Variants in NEGR1 observed in about 807,000 individuals in gnomAD.
The protein encoded by NEGR1 is IgLON family member 4.
A neutral mutation model predicts 40.9 loss-of-function variants in NEGR1; 10 were observed. The observed-to-expected ratio is 0.24, with a 90% CI of 0.15 to 0.42. The LOEUF is 0.42. Ranked by LOEUF, NEGR1 falls within the 10% of genes least tolerant of loss-of-function variation. NEGR1 has a pLI of 1.00. For synonymous variants in NEGR1, 185 were observed against 166.8 expected (o/e 1.11, Z -0.84); for missense variants, 352 against 438.9 (o/e 0.80, Z 1.77).
intron 5 of NEGR1, among the ~76,000 whole-genome samples, chr1:71,599,641 CT>C (rs2101530196): frequency 6.6e-6 from 1 of 152,246 alleles, no homozygotes; most frequent in South Asian, 2.1e-4. Context: ...GGGTATCTAT[CT>C]TTAGTTGTGC....
At chr1:71,520,563 G>T (rs1170592683) in intron 6 of NEGR1, among the ~76,000 whole-genome samples, 1 of 152,054 alleles carries the variant, frequency 6.6e-6, no homozygotes, top group African/African-American at 2.4e-5. Flanking sequence ...TAATGAATTA[G>T]TTACAAATTA....
At chr1:71,502,153 T>C (rs772932597) in intron 6 of NEGR1, among the ~76,000 whole-genome samples, 1 of 152,106 alleles carries the variant, frequency 6.6e-6, no homozygotes, top group Non-Finnish European at 1.5e-5. Flanking sequence ...ACAAACTGCA[T>C]TGCTCATGCA....
intron 6 of NEGR1, among the ~76,000 whole-genome samples, chr1:71,591,847 G>A (rs577168192): frequency 1.3e-5 from 2 of 152,060 alleles, no homozygotes; most frequent in East Asian, 3.9e-4. Flanking sequence ...TAAGTTGTAG[G>A]AACATCATAT....
intron 6 of NEGR1, among the ~76,000 whole-genome samples, chr1:71,579,783 G>T (rs555786723): frequency 6.6e-6 from 1 of 152,150 alleles, no homozygotes; most frequent in African/African-American, 2.4e-5. Context: ...CCTAATATAT[G>T]AATGCTTTTT....
chr1:71,932,602 T>A (rs991868449), intron 2 of NEGR1, among the ~76,000 whole-genome samples: 2 of 151,874 alleles, frequency 1.3e-5, no homozygotes, highest in African/African-American at 2.4e-5. Flanking sequence ...CAAAATGATT[T>A]AAAAAAAATA....
chr1:71,959,514 A>T (rs937010466), intron 1 of NEGR1, among the ~76,000 whole-genome samples: 1 of 152,176 alleles, frequency 6.6e-6, no homozygotes, highest in East Asian at 1.9e-4. Context: ...CATGCATGAT[A>T]AATTGTACTA....
At chr1:72,086,705 T>C (rs953637960) in intron 1 of NEGR1, among the ~76,000 whole-genome samples, 2 of 152,230 alleles carry the variant, frequency 1.3e-5, no homozygotes, top group African/African-American at 4.8e-5. Flanking sequence ...TGATATTTCT[T>C]GCATCTTGAA....
At chr1:71,898,767 A>G (rs1402440582) in intron 2 of NEGR1, among the ~76,000 whole-genome samples, 3 of 150,492 alleles carry the variant, frequency 2.0e-5, no homozygotes, top group African/African-American at 4.9e-5. Context: ...ATCTTGCAAT[A>G]ATTGAGATCC....
chr1:71,505,439 G>A (rs970989658), intron 6 of NEGR1, among the ~76,000 whole-genome samples: 3 of 152,014 alleles, frequency 2.0e-5, no homozygotes, highest in African/African-American at 4.8e-5. Flanking sequence ...CCGCCACTGC[G>A]CCAGACTAAT....
chr1:71,511,162 A>G (rs547523186), intron 6 of NEGR1, among the ~76,000 whole-genome samples: 3 of 152,330 alleles, frequency 2.0e-5, no homozygotes, highest in African/African-American at 7.2e-5. Flanking sequence ...ACCGCAGTTG[A>G]CACCAGCATT....
Position 71,880,192 on chromosome 1 carries a change from T to C in NEGR1, c.409+54887A>G, listed in dbSNP as rs528962274. On this transcript the variant is annotated intron_variant, in intron 2 of 6. Transcript: ENST00000357731. ...GCATCATGGTGGAAAGTTTTGAGGA[T>C]AGGTTTTTCACAATAAAAAATAACA... is the stretch of plus-strand genomic sequence containing the variant. Among the ~76,000 whole-genome samples, 5 of 152,190 alleles carry C rather than the reference T, an allele frequency of 3.3e-5. No homozygotes were observed. In the South Asian group the frequency reaches 8.3e-4, roughly 25 times the overall value.
chr1:72,029,647 A>T (rs1646840461), intron 1 of NEGR1, among the ~76,000 whole-genome samples: 1 of 152,226 alleles, frequency 6.6e-6, no homozygotes, highest in Non-Finnish European at 1.5e-5. Context: ...TTGAAGAATT[A>T]TTCGAACTTT....
At chr1:71,662,426 T>C (rs1652090565) in intron 4 of NEGR1, among the ~76,000 whole-genome samples, 1 of 152,176 alleles carries the variant, frequency 6.6e-6, no homozygotes, top group Admixed American at 6.5e-5. Context: ...CTCCTCCCTT[T>C]GTTGTAAACT....
chr1:71,930,044 G>A (rs1334345946), intron 2 of NEGR1, among the ~76,000 whole-genome samples: 1 of 151,970 alleles, frequency 6.6e-6, no homozygotes, highest in African/African-American at 2.4e-5. Context: ...TAATATTTGT[G>A]GAGTTTTGCC....
Position 72,268,032 on chromosome 1 carries a change from G to T in NEGR1, c.176+14287C>A, listed in dbSNP as rs543835829. Among the ~76,000 whole-genome samples the T allele has an allele frequency of 1.7e-4, 25 of 151,310 alleles. No homozygotes were observed. The South Asian group carries it at 5.0e-3, about 30-fold the overall frequency. On this transcript the variant is annotated intron_variant, in intron 1 of 6. Coordinates refer to ENST00000357731, the MANE Select transcript of NEGR1 (RefSeq NM_173808.3). ...AAGTAGAAACAATATGTGTGAGGTCGCCATGTCTTCAGACATACTCTACTC... is the reference window on the plus strand; with the variant it reads ...AAGTAGAAACAATATGTGTGAGGTCTCCATGTCTTCAGACATACTCTACTC...
chr1:72,053,217 AT>A (rs544056469), intron 1 of NEGR1, among the ~76,000 whole-genome samples: 7 of 150,160 alleles, frequency 4.7e-5, no homozygotes, highest in South Asian at 4.2e-4. Context: ...CTTTGTTTTG[AT>A]TTTTTTTTAG....
chr1:71,504,272 C>T lies in NEGR1; in HGVS notation c.940+88545G>A, dbSNP rs865981659. On this transcript the variant is annotated intron_variant, in intron 6 of 6. Transcript: ENST00000357731. Reference sequence around the variant, plus strand: ...AAATGAGAAACTGATGGAGGAATTACTGAAGGAAGCTCAGTCGGTCTTTGC... The same window carrying T: ...AAATGAGAAACTGATGGAGGAATTATTGAAGGAAGCTCAGTCGGTCTTTGC... 2.0e-5 allele frequency among the ~76,000 whole-genome samples: 3 copies of T among 151,826 alleles called. No individual in the cohort carries two copies. In the South Asian group the frequency reaches 6.2e-4, roughly 32 times the overall value.
intron 5 of NEGR1, among the ~76,000 whole-genome samples, chr1:71,604,568 C>T (rs1650023168): frequency 1.3e-5 from 2 of 152,038 alleles, no homozygotes; most frequent in African/African-American, 4.8e-5. Context: ...TATGATTTCT[C>T]AAGTTCATGT....
chr1:72,239,282 A>T (rs1010095903), intron 1 of NEGR1, among the ~76,000 whole-genome samples: 5 of 151,920 alleles, frequency 3.3e-5, no homozygotes, highest in African/African-American at 9.6e-5. Context: ...ACTGCAAATA[A>T]AGGCAATCAA....
Sources: gnomAD v4.1 joint callset for allele counts (sites outside exome capture counted in the v4.1 genomes callset) on GRCh38, gnomAD v4.1.1 for gene constraint, MANE v1.5 for transcripts, NCBI Gene and HGNC (gene_info 2026-07-23, HGNC 2026-07-21) for gene names.